PCM1: variants seen among roughly 807,000 people sequenced by gnomAD.
The protein encoded by PCM1 is pericentriolar material 1 protein.
A neutral mutation model predicts 241.9 loss-of-function variants in PCM1; 157 were observed. The ratio of observed to expected loss-of-function variants is 0.65; its 90% CI spans 0.57 to 0.74. The LOEUF (loss-of-function observed/expected upper bound fraction) is 0.74. Ranked by LOEUF, PCM1 falls within the 30% of genes least tolerant of loss-of-function variation. The probability of loss-of-function intolerance (pLI) is 0.00; values close to 1 mark genes in which losing one functional copy is unlikely to be tolerated. For missense variants in PCM1, 3,478 were observed against 2,360.1 expected (o/e 1.47, Z -9.81); for synonymous variants, 1,085 against 784.9 (o/e 1.38, Z -6.39).
intron 29 of PCM1, among the ~76,000 whole-genome samples, chr8:17,995,038 C>T (rs779090373): frequency 6.6e-6 from 1 of 151,168 alleles, no homozygotes; most frequent in Non-Finnish European, 1.5e-5. Flanking sequence ...TGATGTGATC[C>T]CATTTGTCTG....
Position 18,011,531 on chromosome 8 carries a change from G to A in PCM1, c.5351-136G>A, listed in dbSNP as rs562028581. On this transcript the variant is annotated intron_variant, in intron 33 of 38. Coordinates refer to ENST00000325083, the MANE Select transcript of PCM1 (RefSeq NM_006197.4). ...ATTATCTAGACTTTCTGCACTGTAA[G>A]TTTTTAATACATTCTGTTTGAGGAT... 46 of 1,086,306 alleles carry A rather than the reference G, an allele frequency of 4.2e-5. No homozygotes were observed. In the African/African-American group the frequency reaches 6.9e-4, roughly 16 times the overall value. 67.3% of individuals were successfully genotyped at this position (1,086,306 alleles called of 1,614,324 possible).
At chr8:17,935,340 G>C (rs533142655) in intron 2 of PCM1, among the ~76,000 whole-genome samples, 330 of 152,302 alleles carry the variant, frequency 2.2e-3, no homozygotes, top group Non-Finnish European at 3.8e-3. Context: ...CAAGCATGCA[G>C]ACTGGTGCTC....
rs546895510 is a variant in PCM1, at chr8:17,938,735, T to C, written c.343-5T>C. 28 of 1,604,796 alleles carry C rather than the reference T, an allele frequency of 1.7e-5. No homozygotes were observed. Among genetic ancestry groups the C allele is most frequent in the South Asian group, 2.2e-5 (2 of 90,754 alleles). ...TGTGTGATTTGATTTCTTTTTCATATATAGAGAAGCATTGGAAGTGATTCC... is the reference window on the plus strand; with the variant it reads ...TGTGTGATTTGATTTCTTTTTCATACATAGAGAAGCATTGGAAGTGATTCC... On this transcript the variant is annotated splice_polypyrimidine_tract_variant and splice_region_variant and intron_variant, in intron 4 of 38. Coordinates refer to ENST00000325083, the MANE Select transcript of PCM1 (RefSeq NM_006197.4).
At chr8:17,969,422 C>T (rs2076126779) in intron 21 of PCM1, 155 bp from the exon 22 acceptor site, 1 of 599,842 alleles carries the variant, frequency 1.7e-6, no homozygotes, top group Admixed American at 3.5e-5. Context: ...AAGCTGTGAA[C>T]AGTGATTGGA....
rs756026595 is a variant in PCM1, at chr8:17,969,715, A to C, written c.3551A>C (p.Glu1184Ala). ...TATATGGCTTTTCCAAAACCTTTTG[A>C]AAGCAGTTCCTCTATTGGAGCAGAG... ...TEYMAFPKPFESSSSIGAEKP... is the reference protein window; with the variant it reads ...TEYMAFPKPFASSSSIGAEKP... The change falls in exon 22 of 39, where the codon GAA (glutamate) becomes GCA (alanine). Residue 1184 changes from glutamate (E) to alanine (A), a missense_variant. Glu to Ala is a moderately radical substitution (Grantham distance 107). Transcript: ENST00000325083. The C allele has an allele frequency of 1.4e-5, 23 of 1,609,838 alleles. No homozygotes were observed. Among genetic ancestry groups the C allele is most frequent in the Non-Finnish European group, 1.9e-5 (22 of 1,178,632 alleles).
chr8:18,021,519 T>G (rs208022), intron 36 of PCM1, among the ~76,000 whole-genome samples: 24,995 of 152,068 alleles, frequency 0.16, 2,449 homozygotes, highest in East Asian at 0.36. Flanking sequence ...GCCACAACAG[T>G]AGCAAAAAAT....
At position 17,939,669 on chromosome 8, in the gene PCM1, A is replaced by G. The variant is rs188173971; in HGVS notation, c.613-22A>G. 11 of 1,375,190 alleles carry G rather than the reference A, an allele frequency of 8.0e-6. No individual in the cohort carries two copies. The Admixed American group carries it at 2.2e-4, about 28-fold the overall frequency. The allele number at this position is 1,375,190 out of a possible 1,614,324, so 85.2% of individuals were successfully genotyped here. Reference sequence around the variant, plus strand: ...TATTGTGTACTTTCATGCTTTTTTTAAAAAAAATATTTCCCCTGCAGATTG... The same window carrying G: ...TATTGTGTACTTTCATGCTTTTTTTGAAAAAAATATTTCCCCTGCAGATTG... On this transcript the variant is annotated intron_variant, in intron 5 of 38. Transcript: ENST00000325083.
chr8:17,955,893 C>A, intron 10 of PCM1: 1 of 511,592 alleles, frequency 2.0e-6, no homozygotes, highest in Non-Finnish European at 3.5e-6. Flanking sequence ...AATAAAGGAT[C>A]AAAAATAAGA....
chr8:17,974,335 G>T (rs892053843), intron 23 of PCM1, among the ~76,000 whole-genome samples: 2 of 152,280 alleles, frequency 1.3e-5, no homozygotes, highest in Admixed American at 6.5e-5. Context: ...TCACAGAGAT[G>T]CTCTTTGTCA....
rs2074087821 is a variant in PCM1, at chr8:17,964,614, G to A, written c.2701G>A (p.Glu901Lys). The change falls in exon 18 of 39, where the codon GAA becomes AAA. Residue 901 changes from glutamate (E) to lysine (K), a missense_variant. Coordinates refer to ENST00000325083, the MANE Select transcript of PCM1 (RefSeq NM_006197.4). ...GTCTACCCAGTGTGCACTAGATGAA[G>A]AAGGAGATGAAGACGGTTACCTTTC... ...GGSTQCALDE[E>K]GDEDGYLSEG... is the part of the protein sequence containing the mutation. 1 of 1,613,768 alleles carries A rather than the reference G, an allele frequency of 6.2e-7. No individual in the cohort carries two copies. The highest frequency in any genetic ancestry group is 8.5e-7 in the Non-Finnish European group (1 of 1,179,852).
intron 2 of PCM1, among the ~76,000 whole-genome samples, chr8:17,933,966 AAAG>A (rs1382926168): frequency 6.6e-6 from 1 of 152,192 alleles, no homozygotes; most frequent in Non-Finnish European, 1.5e-5. Context: ...CTCATTAAAA[AAAG>A]AGTGAAATAT....
At chr8:17,974,812 C>G (rs771989994) in intron 23 of PCM1, among the ~76,000 whole-genome samples, 6 of 151,586 alleles carry the variant, frequency 4.0e-5, no homozygotes, top group Non-Finnish European at 5.9e-5. Flanking sequence ...CACATTTGCT[C>G]AACAAGCATT....
intron 24 of PCM1, among the ~76,000 whole-genome samples, chr8:17,981,690 A>G (rs949099789): frequency 3.9e-5 from 6 of 152,200 alleles, no homozygotes; most frequent in African/African-American, 1.4e-4. Flanking sequence ...CAAATTACCA[A>G]CAAATCTCAT....
intron 36 of PCM1, among the ~76,000 whole-genome samples, chr8:18,023,079 T>A (rs1188046222): frequency 6.6e-6 from 1 of 152,152 alleles, no homozygotes; most frequent in Non-Finnish European, 1.5e-5. Context: ...GACAATCACA[T>A]CATTCCCAAT....
intron 21 of PCM1, among the ~76,000 whole-genome samples, chr8:17,968,552 T>C (rs1200046381): frequency 1.3e-5 from 2 of 151,928 alleles, no homozygotes; most frequent in African/African-American, 4.8e-5. Context: ...ACCGATTATA[T>C]GAGGTGAATC....
chr8:18,023,411 T>G (rs935565157), intron 36 of PCM1, among the ~76,000 whole-genome samples: 4 of 152,150 alleles, frequency 2.6e-5, no homozygotes, highest in African/African-American at 9.7e-5. Flanking sequence ...GAAAAATGGC[T>G]TATGGATATT....
In PCM1 at chr8:17,938,903, C is replaced by T. The variant is rs1175297709; in HGVS notation, c.506C>T (p.Ala169Val). 3.7e-6 allele frequency: 6 copies of T among 1,613,552 alleles called. No homozygotes were observed. In the East Asian group the frequency reaches 6.7e-5, roughly 18 times the overall value. ...NPPNRETIGS[A>V]QCKELFASAL... is the part of the protein sequence containing the mutation. ...CCAAACAGAGAAACGATTGGATCAG[C>T]ACAGTGTAAAGAGTTGTTTGCTTCT... is the stretch of plus-strand genomic sequence containing the variant. Residue 169 changes from alanine to valine, a missense_variant, in exon 5 of 39, where the codon GCA (alanine) becomes GTA (valine). Physicochemically the swap from Ala to Val is moderately conservative, Grantham distance 64. Coordinates refer to ENST00000325083, the MANE Select transcript of PCM1 (RefSeq NM_006197.4).
intron 18 of PCM1, 24 bp downstream of exon 18, chr8:17,964,792 G>C (rs745322908): frequency 7.0e-6 from 11 of 1,581,888 alleles, no homozygotes; most frequent in African/African-American, 6.7e-5. Context: ...TTTTAATTTT[G>C]TGCTTAATTT....
intron 15 of PCM1, among the ~76,000 whole-genome samples, chr8:17,961,505 G>A (rs1225440847): frequency 1.3e-5 from 2 of 151,902 alleles, no homozygotes; most frequent in African/African-American, 4.8e-5. Context: ...TAGAGACGGG[G>A]TTTCACCGTG....
Sources: gnomAD v4.1 joint callset for allele counts (sites outside exome capture counted in the v4.1 genomes callset) on GRCh38, gnomAD v4.1.1 for gene constraint, MANE v1.5 for transcripts, NCBI Gene and HGNC (gene_info 2026-07-23, HGNC 2026-07-21) for gene names.